Variants in SNX10 observed in about 807,000 individuals in gnomAD.
SNX10 encodes the protein sorting nexin 10, also known as sorting nexin-10.
A neutral mutation model predicts 28.5 loss-of-function variants in SNX10; 25 were observed. That is an observed-to-expected ratio of 0.88 (90% CI 0.64 to 1.22). SNX10 has a LOEUF of 1.22. SNX10 is among the 50% of genes most tolerant of loss of function. SNX10 has a pLI of 0.00. For missense variants in SNX10, 223 were observed against 242.6 expected (o/e 0.92, Z 0.54); for synonymous variants, 62 against 81.4 (o/e 0.76, Z 1.28).
intron 1 of SNX10, among the ~76,000 whole-genome samples, chr7:26,326,561 G>A: frequency 6.6e-6 from 1 of 152,104 alleles, no homozygotes; most frequent in East Asian, 1.9e-4. Context: ...GGCCAACTGG[G>A]ACACCAGAGC....
chr7:26,337,861 T>C (rs942667549), intron 1 of SNX10, among the ~76,000 whole-genome samples: 1 of 152,188 alleles, frequency 6.6e-6, no homozygotes, highest in African/African-American at 2.4e-5. Flanking sequence ...GTGGTAGTTT[T>C]CTGTAATTTT....
chr7:26,300,110 C>T (rs1396923249), intron 1 of SNX10, among the ~76,000 whole-genome samples: 2 of 152,076 alleles, frequency 1.3e-5, no homozygotes, highest in Admixed American at 1.3e-4. Flanking sequence ...ACTCGGGAGG[C>T]TGAGGCAGGA....
At chr7:26,302,644 C>T (rs758170674) in intron 1 of SNX10, among the ~76,000 whole-genome samples, 6 of 152,180 alleles carry the variant, frequency 3.9e-5, no homozygotes, top group Admixed American at 6.5e-5. Flanking sequence ...CTGCTTTCTG[C>T]GGGGTGCACC....
At chr7:26,303,324 T>G (rs978573774) in intron 1 of SNX10, among the ~76,000 whole-genome samples, 7 of 152,168 alleles carry the variant, frequency 4.6e-5, no homozygotes, top group Non-Finnish European at 8.8e-5. Context: ...AGTCAAAAAC[T>G]GAAGCTGCAC....
chr7:26,337,671 A>G lies in SNX10; in HGVS notation c.-23-8749A>G, dbSNP rs181074368. Reference sequence around the variant, plus strand: ...TCCCTTTTAAGGTTGAATGGTACCCATTGTATGGAGAGACCACATTTTGCT... The same window carrying G: ...TCCCTTTTAAGGTTGAATGGTACCCGTTGTATGGAGAGACCACATTTTGCT... On this transcript the variant is annotated intron_variant, in intron 1 of 6. Coordinates refer to ENST00000338523, the MANE Select transcript of SNX10 (RefSeq NM_013322.3). 2.0e-3 allele frequency among the ~76,000 whole-genome samples: 308 copies of G among 152,330 alleles called. 2 individuals carry two copies. The highest frequency in any genetic ancestry group is 7.2e-3 in the African/African-American group (299 of 41,574).
At chr7:26,351,815 C>T (rs1024225171) in intron 2 of SNX10, among the ~76,000 whole-genome samples, 1 of 151,714 alleles carries the variant, frequency 6.6e-6, no homozygotes, top group African/African-American at 2.4e-5. Flanking sequence ...TGCCACCACG[C>T]CCAGCCAATT....
At chr7:26,318,120 G>A (rs1022420725) in intron 1 of SNX10, among the ~76,000 whole-genome samples, 3 of 152,186 alleles carry the variant, frequency 2.0e-5, no homozygotes, top group African/African-American at 7.2e-5. Flanking sequence ...GCAAATGTTA[G>A]ATCACATCGC....
chr7:26,341,733 C>T (rs1362201742), intron 1 of SNX10, among the ~76,000 whole-genome samples: 2 of 152,116 alleles, frequency 1.3e-5, no homozygotes, highest in Non-Finnish European at 2.9e-5. Flanking sequence ...TATCTATCTG[C>T]TTCAGCCTCC....
intron 1 of SNX10, among the ~76,000 whole-genome samples, chr7:26,313,097 T>C (rs1171884705): frequency 6.6e-6 from 1 of 152,202 alleles, no homozygotes; most frequent in Non-Finnish European, 1.5e-5. Flanking sequence ...GAATGTCTTA[T>C]CAGTGGGTGC....
chr7:26,370,537 G>A (rs1789478841), intron 5 of SNX10: 1 of 152,176 alleles, frequency 6.6e-6, no homozygotes, highest in African/African-American at 2.4e-5. Flanking sequence ...CTGAAGCAAA[G>A]GGGACAGCTA....
intron 2 of SNX10, among the ~76,000 whole-genome samples, chr7:26,354,833 T>C (rs1016531942): frequency 6.6e-6 from 1 of 152,254 alleles, no homozygotes; most frequent in East Asian, 1.9e-4. Flanking sequence ...TGAAGCCTAA[T>C]TGATCACTTT....
In SNX10 at chr7:26,358,805, G is replaced by GTTTTTT. The variant is rs35527687; in HGVS notation, c.25-2156_25-2151dup. On this transcript the variant is annotated intron_variant, in intron 2 of 6. Transcript: ENST00000338523. ...GAGCATCACTATAGTGTTATCTTGTGTTTTTTTTTTTTTTTTTTTGACCAA... is the reference window on the plus strand; with the variant it reads ...GAGCATCACTATAGTGTTATCTTGTGTTTTTTTTTTTTTTTTTTTTTTTTTGACCAA... Among the ~76,000 whole-genome samples the GTTTTTT allele has an allele frequency of 2.1e-4, 21 of 100,100 alleles. 4 individuals carry two copies. The highest frequency in any genetic ancestry group is 2.6e-4 in the African/African-American group (6 of 22,686). 65.7% of individuals were successfully genotyped at this position (100,100 alleles called of 152,430 possible).
At chr7:26,345,847 C>T (rs1214600206) in intron 1 of SNX10, among the ~76,000 whole-genome samples, 1 of 152,072 alleles carries the variant, frequency 6.6e-6, no homozygotes, top group Non-Finnish European at 1.5e-5. Context: ...ATTGACAACC[C>T]CAGAGACATG....
At chr7:26,337,280 T>A (rs1162065318) in intron 1 of SNX10, among the ~76,000 whole-genome samples, 1 of 152,236 alleles carries the variant, frequency 6.6e-6, no homozygotes. Flanking sequence ...TACCCATTTT[T>A]ATTATTTTTT....
chr7:26,331,175 A>T (rs1215387045), intron 1 of SNX10, among the ~76,000 whole-genome samples: 1 of 151,554 alleles, frequency 6.6e-6, no homozygotes, highest in African/African-American at 2.4e-5. Context: ...ACTAAAAAAA[A>T]AAAAAAAGTA....
intron 1 of SNX10, among the ~76,000 whole-genome samples, chr7:26,331,817 A>G (rs1787761427): frequency 6.6e-6 from 1 of 152,142 alleles, no homozygotes; most frequent in African/African-American, 2.4e-5. Flanking sequence ...CCATCTCTGT[A>G]GAAGTTTCTA....
Position 26,330,899 on chromosome 7 carries a change from C to T in SNX10, c.-23-15521C>T, listed in dbSNP as rs114943287. On this transcript the variant is annotated intron_variant, in intron 1 of 6. Coordinates refer to ENST00000338523, the MANE Select transcript of SNX10 (RefSeq NM_013322.3). The stretch of plus-strand genomic sequence containing the variant: ...GTGCGGTGGCTCACGCCTATAATCC[C>T]GATACTTTGGTAGGTCAAGACAGGA... Among the ~76,000 whole-genome samples, 285 of 152,196 alleles carry T rather than the reference C, an allele frequency of 1.9e-3. 1 individual carries two copies. Among genetic ancestry groups the T allele is most frequent in the African/African-American group, 6.5e-3 (272 of 41,528 alleles).
chr7:26,339,403 C>T (rs1477064378), intron 1 of SNX10, among the ~76,000 whole-genome samples: 2 of 151,738 alleles, frequency 1.3e-5, no homozygotes, highest in African/African-American at 4.8e-5. Context: ...TTTTTTAAAT[C>T]GGATTTTTTA....
intron 1 of SNX10, among the ~76,000 whole-genome samples, chr7:26,311,309 C>G (rs1786833039): frequency 1.3e-5 from 2 of 152,136 alleles, no homozygotes; most frequent in African/African-American, 4.8e-5. Flanking sequence ...GCCACTAGGC[C>G]TGGCTAATTT....
Sources: allele counts gnomAD v4.1 joint callset (sites outside exome capture counted in the v4.1 genomes callset), GRCh38; gene constraint gnomAD v4.1.1; transcripts MANE v1.5; gene names NCBI Gene and HGNC (gene_info 2026-07-23, HGNC 2026-07-21).